The following MMP15 variants were observed in gnomAD, a reference collection of about 807,000 sequenced individuals.
The protein encoded by MMP15 is matrix metallopeptidase 15.
Under a neutral mutation model 65.0 loss-of-function variants are expected in MMP15, and 36 were observed. That is an observed-to-expected ratio of 0.55 (90% CI 0.42 to 0.73). The LOEUF (loss-of-function observed/expected upper bound fraction) is 0.73. Ranked by LOEUF, MMP15 falls within the 30% of genes least tolerant of loss-of-function variation. The probability of loss-of-function intolerance (pLI) is 0.00; values close to 1 mark genes in which losing one functional copy is unlikely to be tolerated. For missense variants in MMP15, 870 were observed against 987.8 expected, an observed-to-expected ratio of 0.88 and a Z score of 1.60; for synonymous variants, 428 against 410.2, an observed-to-expected ratio of 1.04 and a Z score of -0.52.
intron 3 of MMP15, 102 bp from the exon 4 acceptor site, chr16:58,039,773 C>CG (rs1337659018): frequency 6.8e-6 from 8 of 1,177,452 alleles, no homozygotes; most frequent in Non-Finnish European, 9.5e-6. Context: ...TTGATAATGA[C>CG]GGGCTTGTTG....
rs41504346 is a variant in MMP15 at position 58,045,223 on chromosome 16, A to G, written c.1787A>G (p.Asp596Gly). The change falls in exon 10 of 10, where the codon GAT (aspartate) becomes GGT (glycine). Residue 596 changes from aspartate to glycine, a missense_variant. Coordinates refer to ENST00000219271, the MANE Select transcript of MMP15 (RefSeq NM_002428.4). ...GADSAEGDVGDGDGDFGAGVN... is the reference protein window; with the variant it reads ...GADSAEGDVGGGDGDFGAGVN... ...GACAGCGCAGAGGGCGACGTGGGGG[A>G]TGGGGATGGGGACTTTGGGGCCGGG... 35,930 of 1,598,424 alleles carry G rather than the reference A, an allele frequency of 0.022. 457 individuals are homozygous for G. The highest frequency in any genetic ancestry group is 0.029 in the South Asian group (2,572 of 88,432).
chr16:58,034,018 C>T (rs1959284521), intron 1 of MMP15, among the ~76,000 whole-genome samples: 1 of 152,262 alleles, frequency 6.6e-6, no homozygotes, highest in South Asian at 2.1e-4. Context: ...TCCTTCCCTC[C>T]CATTGGACAG....
intron 1 of MMP15, among the ~76,000 whole-genome samples, chr16:58,036,134 T>C (rs1959325380): frequency 6.6e-6 from 1 of 152,162 alleles, no homozygotes; most frequent in South Asian, 2.1e-4. Context: ...CCTTAAGGGC[T>C]TCTCACTCTG....
At position 58,040,319 on chromosome 16, in the gene MMP15, C is replaced by G; in HGVS notation, c.748+137C>G. The G allele has an allele frequency of 2.9e-6, 3 of 1,047,618 alleles. No homozygotes were observed. In the South Asian group the frequency reaches 4.9e-5, roughly 17 times the overall value. The allele number at this position is 1,047,618 out of a possible 1,614,324, so 64.9% of individuals were successfully genotyped here. On this transcript the variant is annotated intron_variant, in intron 4 of 9. Transcript: ENST00000219271. ...GTGTTTGTCTCCAGATCACTACACTCAATTTCAGTCTGTTGTCCCACCATC... is the reference window on the plus strand; with the variant it reads ...GTGTTTGTCTCCAGATCACTACACTGAATTTCAGTCTGTTGTCCCACCATC...
At chr16:58,039,488 A>G (rs944639221) in intron 3 of MMP15, among the ~76,000 whole-genome samples, 3 of 152,236 alleles carry the variant, frequency 2.0e-5, no homozygotes, top group Non-Finnish European at 4.4e-5. Context: ...AAGGTCACAC[A>G]GATACTGTTA....
Position 58,041,840 on chromosome 16 carries a change from C to G in MMP15, c.1134C>G (p.Ala378=), listed in dbSNP as rs748705385. 6.2e-7 allele frequency: 1 copy of G among 1,604,830 alleles called. No homozygotes were observed. Among genetic ancestry groups the G allele is most frequent in the African/African-American group, 1.3e-5 (1 of 74,638 alleles). Residue 378 remains alanine (A), a synonymous_variant, in exon 6 of 10, where the codon GCC becomes GCG. Transcript: ENST00000219271. The part of the protein sequence containing the change: ...NICDGDFDTV[A]MLRGEMFVFK... ...GCGACGGGGACTTTGACACAGTGGC[C>G]ATGCTTCGCGGGGAGATGTTCGTGT...
intron 9 of MMP15, 86 bp downstream of exon 9, chr16:58,043,713 C>T (rs373719559): frequency 3.0e-5 from 30 of 985,302 alleles, no homozygotes; most frequent in African/African-American, 1.5e-4. Context: ...CAAGGTCACC[C>T]GGCACTGTGA....
intron 7 of MMP15, among the ~76,000 whole-genome samples, chr16:58,042,694 G>A (rs1253658322): frequency 6.6e-6 from 1 of 152,234 alleles, no homozygotes; most frequent in Admixed American, 6.5e-5. Context: ...CCACTCCGGG[G>A]CCAGATTTCT....
At chr16:58,038,492 TC>T in intron 3 of MMP15, 98 bp downstream of exon 3, 1 of 1,499,326 alleles carries the variant, frequency 6.7e-7, no homozygotes, top group Non-Finnish European at 9.1e-7. Context: ...GCCTTAACAG[TC>T]CAGCCCGCTT....
At chr16:58,033,349 C>T (rs538503028) in intron 1 of MMP15, among the ~76,000 whole-genome samples, 2 of 152,308 alleles carry the variant, frequency 1.3e-5, no homozygotes, top group African/African-American at 2.4e-5. Context: ...AGCTCTGGGA[C>T]CCTGGGTGAG....
intron 1 of MMP15, among the ~76,000 whole-genome samples, chr16:58,028,817 C>G (rs546540840): frequency 6.6e-6 from 1 of 152,344 alleles, no homozygotes; most frequent in African/African-American, 2.4e-5. Flanking sequence ...CTGACAAACA[C>G]CTGCAACCTG....
chr16:58,041,250 G>A (rs1959445393), intron 5 of MMP15, among the ~76,000 whole-genome samples: 1 of 152,200 alleles, frequency 6.6e-6, no homozygotes, highest in Admixed American at 6.5e-5. Flanking sequence ...GCCGTGCTGG[G>A]CACTTGACGG....
intron 1 of MMP15, among the ~76,000 whole-genome samples, chr16:58,033,993 A>G (rs1597063038): frequency 6.6e-6 from 1 of 152,258 alleles, no homozygotes; most frequent in Non-Finnish European, 1.5e-5. Flanking sequence ...AGGGGCCCTC[A>G]TGGCCCCAGA....
chr16:58,032,085 TCA>T (rs1481236714), intron 1 of MMP15, among the ~76,000 whole-genome samples: 1 of 152,056 alleles, frequency 6.6e-6, no homozygotes, highest in African/African-American at 2.4e-5. Flanking sequence ...CCAGATTGTC[TCA>T]GTCTCCTGAC....
intron 6 of MMP15, 38 bp from the exon 7 acceptor site, chr16:58,042,193 C>T: frequency 6.3e-7 from 1 of 1,591,240 alleles, no homozygotes; most frequent in South Asian, 1.1e-5. Flanking sequence ...GCCAAGGCAG[C>T]TTGCCTGCGC....
intron 7 of MMP15, 81 bp downstream of exon 7, chr16:58,042,450 T>G: frequency 1.3e-6 from 2 of 1,555,552 alleles, no homozygotes; most frequent in African/African-American, 1.4e-5. Context: ...GAAGAGGAGG[T>G]GAAGGGTTGC....
intron 1 of MMP15, among the ~76,000 whole-genome samples, chr16:58,032,595 T>C (rs1959256163): frequency 6.6e-6 from 1 of 152,230 alleles, no homozygotes; most frequent in African/African-American, 2.4e-5. Flanking sequence ...GTGGGCCCTG[T>C]GGGCCTGGAG....
intron 3 of MMP15, among the ~76,000 whole-genome samples, chr16:58,039,207 T>C (rs1049162513): frequency 6.6e-6 from 1 of 152,102 alleles, no homozygotes; most frequent in Admixed American, 6.5e-5. Context: ...CCAAAGTGGG[T>C]GGATCAGCTG....
chr16:58,042,293 G>A lies in MMP15; in HGVS notation c.1227G>A (p.Gly409=). The change falls in exon 7 of 10, where the codon GGG becomes GGA. Residue 409 remains glycine, a synonymous_variant. Transcript: ENST00000219271. ...TGGACAACTATCCCATGCCCATCGG[G>A]CACTTCTGGCGTGGTCTGCCCGGTG... is the stretch of plus-strand genomic sequence containing the variant. ...RVLDNYPMPI[G]HFWRGLPGDI... 1.2e-6 allele frequency: 2 copies of A among 1,614,232 alleles called. No individual in the cohort carries two copies. The highest frequency in any genetic ancestry group is 1.1e-5 in the South Asian group (1 of 91,086).
Sources: gnomAD v4.1 joint callset for allele counts (sites outside exome capture counted in the v4.1 genomes callset) on GRCh38, gnomAD v4.1.1 for gene constraint, MANE v1.5 for transcripts, NCBI Gene and HGNC (gene_info 2026-07-23, HGNC 2026-07-21) for gene names.